Variants in DLGAP1 observed in about 807,000 individuals in gnomAD.
DLGAP1 encodes the protein disks large-associated protein 1.
A neutral mutation model predicts 90.8 loss-of-function variants in DLGAP1; 11 were observed. The ratio of observed to expected loss-of-function variants is 0.12; its 90% confidence interval spans 0.08 to 0.20. DLGAP1 has a LOEUF of 0.20. DLGAP1 is among the 10% of genes least tolerant of loss of function. The pLI is 1.00. For missense variants in DLGAP1, 1,050 were observed against 1,333.8 expected, an observed-to-expected ratio of 0.79 and a Z score of 3.31; for synonymous variants, 558 against 540.7, an observed-to-expected ratio of 1.03 and a Z score of -0.44.
intron 1 of DLGAP1, among the ~76,000 whole-genome samples, chr18:4,423,924 C>T (rs935554018): frequency 2.0e-5 from 3 of 149,270 alleles, no homozygotes; most frequent in Non-Finnish European, 3.0e-5. Flanking sequence ...GAGGCTTAGG[C>T]GGGTAGATCA....
At chr18:3,676,511 C>G (rs1451517868) in intron 7 of DLGAP1, among the ~76,000 whole-genome samples, 2 of 152,076 alleles carry the variant, frequency 1.3e-5, no homozygotes, top group Non-Finnish European at 2.9e-5. Flanking sequence ...GATGACAAAC[C>G]CTGGGTATTT....
rs546221588 is a variant in DLGAP1, at chr18:3,874,210, C to A, written c.957+4902G>T. On this transcript the variant is annotated intron_variant, in intron 4 of 12. Coordinates refer to ENST00000315677, the MANE Select transcript of DLGAP1 (RefSeq NM_004746.4). ...ACACAAACTGAAGAAACCCACTCAG[C>A]CTTAAAAAGGTCGATCATTTTGCTT... is the stretch of plus-strand genomic sequence containing the variant. 3 of 1,550,030 alleles carry A rather than the reference C, an allele frequency of 1.9e-6. No homozygotes were observed. In the East Asian group the frequency reaches 7.3e-5, roughly 38 times the overall value.
At chr18:3,936,140 C>T (rs1252193063) in intron 3 of DLGAP1, among the ~76,000 whole-genome samples, 2 of 152,158 alleles carry the variant, frequency 1.3e-5, no homozygotes, top group African/African-American at 4.8e-5. Flanking sequence ...CCACATCAGC[C>T]TCCTACTACT....
intron 1 of DLGAP1, among the ~76,000 whole-genome samples, chr18:4,310,847 T>C (rs1279542220): frequency 6.6e-6 from 1 of 152,198 alleles, no homozygotes; most frequent in East Asian, 1.9e-4. Context: ...CATTCTCATA[T>C]ATAAGACACA....
chr18:3,795,305 A>T lies in DLGAP1; in HGVS notation c.1172+18754T>A, dbSNP rs73372544. 5.0e-3 allele frequency among the ~76,000 whole-genome samples: 762 copies of T among 152,064 alleles called. 8 individuals are homozygous for T. Among genetic ancestry groups the T allele is most frequent in the African/African-American group, 0.016 (670 of 41,518 alleles). On this transcript the variant is annotated intron_variant, in intron 5 of 12. Transcript: ENST00000315677. ...AAAATATATTTTCTCCCTTGTCCTC[A>T]TCTGTTTTCTTTTCTCTTTTCTTTT... is the stretch of plus-strand genomic sequence containing the variant.
At chr18:3,607,401 A>T (rs1468426015) in intron 7 of DLGAP1, 1 of 151,602 alleles carries the variant, frequency 6.6e-6, no homozygotes, top group Non-Finnish European at 1.5e-5. Context: ...CAAGCGATCC[A>T]CCCTCCTCAG....
intron 1 of DLGAP1, among the ~76,000 whole-genome samples, chr18:4,336,786 G>A (rs2081075638): frequency 6.6e-6 from 1 of 152,030 alleles, no homozygotes; most frequent in Non-Finnish European, 1.5e-5. Context: ...GGGGCTTATA[G>A]AATTGAGTCT....
At chr18:3,773,975 T>C (rs1191989133) in intron 5 of DLGAP1, among the ~76,000 whole-genome samples, 3 of 152,254 alleles carry the variant, frequency 2.0e-5, no homozygotes, top group African/African-American at 7.2e-5. Flanking sequence ...CCTTGTCTTC[T>C]ACTTTCAAAT....
Position 3,534,193 on chromosome 18 carries a change from C to T in DLGAP1, c.2479+1G>A. On this transcript the variant is annotated splice_donor_variant, in intron 10 of 12. Coordinates refer to ENST00000315677, the MANE Select transcript of DLGAP1 (RefSeq NM_004746.4). LOFTEE classifies it high-confidence loss of function. ...GTGTGGCACGTGGTGGCATTACTTA[C>T]TGTCTTCGGGCAGGTTGTTTTCCCG... The T allele has an allele frequency of 6.2e-7, 1 of 1,611,188 alleles. No homozygotes were observed. Among genetic ancestry groups the T allele is most frequent in the Non-Finnish European group, 8.5e-7 (1 of 1,178,188 alleles).
intron 7 of DLGAP1, among the ~76,000 whole-genome samples, chr18:3,647,136 C>T (rs2059151088): frequency 6.6e-6 from 1 of 151,648 alleles, no homozygotes; most frequent in Admixed American, 6.6e-5. Context: ...TGGCGGTAAT[C>T]CCAGCTACTA....
intron 3 of DLGAP1, among the ~76,000 whole-genome samples, chr18:4,004,697 C>T (rs1431040918): frequency 2.6e-5 from 4 of 152,078 alleles, no homozygotes; most frequent in East Asian, 1.9e-4. Flanking sequence ...ATCCAAATAA[C>T]GTATGTGAAA....
intron 3 of DLGAP1, among the ~76,000 whole-genome samples, chr18:3,920,018 T>A (rs1458758608): frequency 6.6e-6 from 1 of 152,168 alleles, no homozygotes; most frequent in Non-Finnish European, 1.5e-5. Flanking sequence ...CCTTTCCACA[T>A]CAAACACCTT....
chr18:3,533,772 G>T (rs1263289121), intron 10 of DLGAP1, among the ~76,000 whole-genome samples: 1 of 152,058 alleles, frequency 6.6e-6, no homozygotes, highest in East Asian at 1.9e-4. Context: ...TATTTAAAAA[G>T]AATTTTTGTG....
intron 5 of DLGAP1, among the ~76,000 whole-genome samples, chr18:3,794,186 T>A (rs1770498190): frequency 6.6e-6 from 1 of 152,204 alleles, no homozygotes; most frequent in African/African-American, 2.4e-5. Flanking sequence ...GTCTCTTAGT[T>A]CCACCTGCCC....
chr18:4,051,189 C>T (rs1383129180), intron 2 of DLGAP1, among the ~76,000 whole-genome samples: 3 of 152,164 alleles, frequency 2.0e-5, no homozygotes, highest in South Asian at 2.1e-4. Flanking sequence ...TATCACACTC[C>T]TGGATCTTAG....
At chr18:3,583,903 G>A (rs1422386360) in intron 7 of DLGAP1, among the ~76,000 whole-genome samples, 3 of 152,232 alleles carry the variant, frequency 2.0e-5, no homozygotes, top group Non-Finnish European at 2.9e-5. Flanking sequence ...AGCTGAGATC[G>A]TGCCACTGCA....
chr18:4,311,755 G>A (rs774433143), intron 1 of DLGAP1, among the ~76,000 whole-genome samples: 34 of 151,964 alleles, frequency 2.2e-4, no homozygotes, highest in Non-Finnish European at 4.1e-4. Context: ...TCGCTCTGTC[G>A]CCCAGGCTGG....
At chr18:3,544,810 C>A (rs2052918260) in intron 9 of DLGAP1, among the ~76,000 whole-genome samples, 1 of 151,888 alleles carries the variant, frequency 6.6e-6, no homozygotes, top group South Asian at 2.1e-4. Context: ...TCCATCTCAG[C>A]TCACTGCAAC....
chr18:4,445,298 CTT>C lies in DLGAP1; in HGVS notation c.-267+9706_-267+9707del, dbSNP rs71160965. Among the ~76,000 whole-genome samples the C allele has an allele frequency of 6.2e-3, 915 of 148,096 alleles. 8 individuals carry two copies. The highest frequency in any genetic ancestry group is 0.021 in the African/African-American group (844 of 40,542). On this transcript the variant is annotated intron_variant, in intron 1 of 12. Coordinates refer to ENST00000315677, the MANE Select transcript of DLGAP1 (RefSeq NM_004746.4). ...TCTCTAATAACTAATTACCAATCAT[CTT>C]TTTTTTTTTATTATACTTTAAGTTT...
Sources: gnomAD v4.1 joint callset for allele counts (sites outside exome capture counted in the v4.1 genomes callset) on GRCh38, gnomAD v4.1.1 for gene constraint, MANE v1.5 for transcripts, NCBI Gene and HGNC (gene_info 2026-07-23, HGNC 2026-07-21) for gene names.